Variants in PTPRD observed in about 807,000 individuals in gnomAD.
PTPRD encodes the protein receptor-type tyrosine-protein phosphatase delta.
A neutral mutation model predicts 214.5 loss-of-function variants in PTPRD; 34 were observed. The observed-to-expected ratio is 0.16, with a 90% CI of 0.12 to 0.21. The LOEUF (loss-of-function observed/expected upper bound fraction) is 0.21. Ranked by LOEUF, PTPRD falls within the 10% of genes least tolerant of loss-of-function variation. PTPRD has a pLI of 1.00. For synonymous variants in PTPRD, 1,128 were observed against 845.7 expected (o/e 1.33, Z -5.79); for missense variants, 2,545 against 2,398.7 (o/e 1.06, Z -1.27).
chr9:8,366,544 T>C (rs1216098430), intron 39 of PTPRD, among the ~76,000 whole-genome samples: 1 of 152,238 alleles, frequency 6.6e-6, no homozygotes, highest in Non-Finnish European at 1.5e-5. Flanking sequence ...TAAATTTCTG[T>C]GATTTAAAAA....
rs36007156 is a variant in PTPRD at position 8,581,913 on chromosome 9, C to CAAAAAAAAAAA, written c.352+51393_352+51403dup. On this transcript the variant is annotated intron_variant, in intron 14 of 45. Coordinates refer to ENST00000381196, the MANE Select transcript of PTPRD (RefSeq NM_002839.4). ...GGATGACAGAGCATGACTCAATCTC[C>CAAAAAAAAAAA]AAAAAAAAAAAAAAAAAAAAAAAAA... is the stretch of plus-strand genomic sequence containing the variant. Among the ~76,000 whole-genome samples the CAAAAAAAAAAA allele has an allele frequency of 5.1e-3, 177 of 34,930 alleles. 2 individuals are homozygous for CAAAAAAAAAAA. Among genetic ancestry groups the CAAAAAAAAAAA allele is most frequent in the East Asian group, 0.011 (5 of 476 alleles). 22.9% of individuals were successfully genotyped at this position (34,930 alleles called of 152,430 possible).
intron 27 of PTPRD, 24 bp downstream of exon 27, chr9:8,492,838 A>T (rs751369111): frequency 6.4e-7 from 1 of 1,556,426 alleles, no homozygotes; most frequent in Non-Finnish European, 8.9e-7. Flanking sequence ...TGTTCAAGGC[A>T]CATACATGCA....
At chr9:10,321,659 CTTTTA>C (rs1236886465) in intron 3 of PTPRD, among the ~76,000 whole-genome samples, 2 of 151,760 alleles carry the variant, frequency 1.3e-5, no homozygotes, top group East Asian at 1.9e-4. Flanking sequence ...AAAATCAACT[CTTTTA>C]TTTGTTTATT....
intron 8 of PTPRD, among the ~76,000 whole-genome samples, chr9:9,451,913 A>C (rs377315807): frequency 6.6e-6 from 1 of 151,536 alleles, no homozygotes; most frequent in Admixed American, 6.6e-5. Context: ...AATAGTTTGA[A>C]ATAAAATAAT....
intron 14 of PTPRD, among the ~76,000 whole-genome samples, chr9:8,552,304 G>A (rs1285885060): frequency 1.3e-5 from 2 of 152,154 alleles, no homozygotes; most frequent in African/African-American, 2.4e-5. Flanking sequence ...ATGGTTTGGC[G>A]GTGCCTGTCA....
chr9:8,517,767 T>C, intron 21 of PTPRD, 81 bp downstream of exon 21: 1 of 1,203,776 alleles, frequency 8.3e-7, no homozygotes, highest in South Asian at 1.5e-5. Flanking sequence ...ACCATCTTTG[T>C]TCCTTCTTTG....
intron 5 of PTPRD, among the ~76,000 whole-genome samples, chr9:9,933,203 A>G (rs1431794837): frequency 6.6e-6 from 1 of 152,258 alleles, no homozygotes; most frequent in Non-Finnish European, 1.5e-5. Flanking sequence ...CATCATAATG[A>G]CAGGATCAAA....
Position 10,214,268 on chromosome 9 carries a change from T to TTTTG in PTPRD, c.-545+126691_-545+126694dup, listed in dbSNP as rs527962731. Among the ~76,000 whole-genome samples, 795 of 151,884 alleles carry TTTTG rather than the reference T, an allele frequency of 5.2e-3. 4 individuals are homozygous for TTTTG. Among genetic ancestry groups the TTTTG allele is most frequent in the African/African-American group, 0.016 (682 of 41,440 alleles). On this transcript the variant is annotated intron_variant, in intron 3 of 45. Coordinates refer to ENST00000381196, the MANE Select transcript of PTPRD (RefSeq NM_002839.4). ...ACCTTCTTCATTTGCAATTAATTCTTTTTGTTTGTTTGTTTGTTTGTTTTT... is the reference window on the plus strand; with the variant it reads ...ACCTTCTTCATTTGCAATTAATTCTTTTTGTTTGTTTGTTTGTTTGTTTGTTTTT...
chr9:9,026,932 C>T (rs1337780396), intron 10 of PTPRD, among the ~76,000 whole-genome samples: 1 of 151,610 alleles, frequency 6.6e-6, no homozygotes, highest in African/African-American at 2.4e-5. Flanking sequence ...GAAGGAATCT[C>T]CCCAGCCAGA....
intron 29 of PTPRD, 52 bp downstream of exon 29, chr9:8,485,175 C>G (rs1187945044): frequency 2.7e-6 from 4 of 1,477,584 alleles, no homozygotes; most frequent in Non-Finnish European, 3.8e-6. Flanking sequence ...CCCAGATAAA[C>G]TGTCCCCTCT....
intron 5 of PTPRD, among the ~76,000 whole-genome samples, chr9:9,852,608 G>A (rs927981448): frequency 1.3e-5 from 2 of 151,920 alleles, no homozygotes; most frequent in African/African-American, 4.8e-5. Context: ...ATATAGATTT[G>A]ATAATTTTCA....
chr9:10,518,679 C>T (rs528759804), intron 2 of PTPRD, among the ~76,000 whole-genome samples: 2 of 151,994 alleles, frequency 1.3e-5, no homozygotes, highest in African/African-American at 2.4e-5. Flanking sequence ...ACTACAGGCG[C>T]CCGCCACCAC....
intron 3 of PTPRD, among the ~76,000 whole-genome samples, chr9:10,045,143 T>G (rs1429570823): frequency 6.6e-6 from 1 of 151,810 alleles, no homozygotes; most frequent in African/African-American, 2.4e-5. Context: ...GTTTTTAAAT[T>G]TGAATTATTA....
intron 2 of PTPRD, among the ~76,000 whole-genome samples, chr9:10,378,148 T>G (rs1447741960): frequency 6.6e-6 from 1 of 152,084 alleles, no homozygotes; most frequent in Non-Finnish European, 1.5e-5. Flanking sequence ...TGATTTGCAT[T>G]TCTCTGATGA....
chr9:9,941,250 C>T (rs2091378383), intron 4 of PTPRD, among the ~76,000 whole-genome samples: 1 of 152,124 alleles, frequency 6.6e-6, no homozygotes, highest in Non-Finnish European at 1.5e-5. Context: ...AAAGCTATGT[C>T]TGACAGATTT....
intron 10 of PTPRD, among the ~76,000 whole-genome samples, chr9:9,067,163 G>A (rs976100491): frequency 6.6e-6 from 1 of 152,208 alleles, no homozygotes; most frequent in African/African-American, 2.4e-5. Flanking sequence ...CTGGGAGGTG[G>A]AGGTTACAGT....
chr9:8,891,915 T>TTATC (rs1211685102), intron 11 of PTPRD, among the ~76,000 whole-genome samples: 1 of 152,148 alleles, frequency 6.6e-6, no homozygotes, highest in Non-Finnish European at 1.5e-5. Context: ...AGACTTAATT[T>TTATC]TATCTCTGCT....
intron 8 of PTPRD, among the ~76,000 whole-genome samples, chr9:9,538,163 T>C (rs974409084): frequency 8.9e-4 from 136 of 151,986 alleles, no homozygotes; most frequent in African/African-American, 3.2e-3. Flanking sequence ...GTGTTTCAAA[T>C]CACTAAACTG....
chr9:8,710,920 C>T (rs2098320374), intron 12 of PTPRD, among the ~76,000 whole-genome samples: 1 of 152,076 alleles, frequency 6.6e-6, no homozygotes, highest in Admixed American at 6.5e-5. Context: ...CCTTGGTAAG[C>T]ACTTTGATTA....
Sources: gnomAD v4.1 joint callset for allele counts (sites outside exome capture counted in the v4.1 genomes callset) on GRCh38, gnomAD v4.1.1 for gene constraint, MANE v1.5 for transcripts, NCBI Gene and HGNC (gene_info 2026-07-23, HGNC 2026-07-21) for gene names.